Variants in PRKN observed in about 807,000 individuals in gnomAD.
PRKN encodes E3 ubiquitin-protein ligase parkin.
PRKN carries 56 observed loss-of-function variants against 59.5 expected under a neutral mutation model. That is an observed-to-expected ratio of 0.94 (90% CI 0.76 to 1.18). The LOEUF is 1.18. Ranked by LOEUF, PRKN falls within the 50% of genes most tolerant of loss-of-function variation. The pLI is 0.00. For missense variants in PRKN, 657 were observed against 596.4 expected (o/e 1.10, Z -1.06); for synonymous variants, 250 against 222.1 (o/e 1.13, Z -1.12).
intron 4 of PRKN, among the ~76,000 whole-genome samples, chr6:162,178,470 T>A (rs1410324462): frequency 6.6e-6 from 1 of 152,176 alleles, no homozygotes; most frequent in East Asian, 1.9e-4. Flanking sequence ...CCCCTTTCCC[T>A]GGCCTATGGC....
intron 7 of PRKN, among the ~76,000 whole-genome samples, chr6:161,693,740 T>G (rs1479029074): frequency 6.6e-6 from 1 of 152,248 alleles, no homozygotes; most frequent in African/African-American, 2.4e-5. Context: ...TGTAAATTTT[T>G]GGAAATACTA....
chr6:161,534,277 C>T (rs947407574), intron 9 of PRKN, among the ~76,000 whole-genome samples: 5 of 152,176 alleles, frequency 3.3e-5, no homozygotes, highest in Non-Finnish European at 5.9e-5. Context: ...TTTCAGTCAC[C>T]ACTTCCAGGT....
intron 6 of PRKN, among the ~76,000 whole-genome samples, chr6:161,794,362 T>C (rs1393777723): frequency 6.6e-6 from 1 of 152,082 alleles, no homozygotes; most frequent in Non-Finnish European, 1.5e-5. Flanking sequence ...TTAGGTCTCA[T>C]GAGTGTTGGC....
chr6:161,761,581 T>C (rs1393958211), intron 7 of PRKN, among the ~76,000 whole-genome samples: 1 of 152,160 alleles, frequency 6.6e-6, no homozygotes, highest in Non-Finnish European at 1.5e-5. Flanking sequence ...AATACAGAAC[T>C]GTAAGCATCA....
chr6:162,553,831 AAAAAAAAAAAAAAAAAAG>A (rs1779434620), intron 1 of PRKN, among the ~76,000 whole-genome samples: 4 of 19,906 alleles, frequency 2.0e-4, no homozygotes, highest in East Asian at 8.9e-4. Flanking sequence ...AAAAAAAAAA[AAAAAAAAAAAAAAAAAAG>A]GGTAAAAGTG....
At position 161,604,552 on chromosome 6, in the gene PRKN, A is replaced by C. The variant is rs180773901; in HGVS notation, c.872-35136T>G. 2.2e-3 allele frequency among the ~76,000 whole-genome samples: 334 copies of C among 152,346 alleles called. 1 individual carries two copies. The highest frequency in any genetic ancestry group is 7.3e-3 in the African/African-American group (304 of 41,588). ...TTATTCAGCTGGAGGAAGAACTTGC[A>C]GCATGGTTGCTCAACTTCAGGCCAC... On this transcript the variant is annotated intron_variant, in intron 7 of 11. Transcript: ENST00000366898.
intron 6 of PRKN, among the ~76,000 whole-genome samples, chr6:161,967,504 G>T (rs113765273): frequency 6.6e-6 from 1 of 152,140 alleles, no homozygotes; most frequent in East Asian, 1.9e-4. Context: ...TTCTCTTAAG[G>T]TCAAAAAGTT....
chr6:162,065,123 T>A (rs1778275182), intron 4 of PRKN, among the ~76,000 whole-genome samples: 1 of 152,142 alleles, frequency 6.6e-6, no homozygotes, highest in Non-Finnish European at 1.5e-5. Flanking sequence ...GATCACAAGA[T>A]GAAGTCCAAG....
At chr6:162,593,881 G>C (rs534987105) in intron 1 of PRKN, among the ~76,000 whole-genome samples, 1 of 152,140 alleles carries the variant, frequency 6.6e-6, no homozygotes, top group Non-Finnish European at 1.5e-5. Context: ...GGCCAGGCAC[G>C]GTGGCTCACG....
At chr6:161,731,757 C>T (rs1254625674) in intron 7 of PRKN, among the ~76,000 whole-genome samples, 1 of 152,152 alleles carries the variant, frequency 6.6e-6, no homozygotes, top group Non-Finnish European at 1.5e-5. Context: ...GAAATGAAGG[C>T]TAATTAAACA....
At chr6:162,033,013 C>T (rs1164170752) in intron 5 of PRKN, among the ~76,000 whole-genome samples, 2 of 152,206 alleles carry the variant, frequency 1.3e-5, no homozygotes, top group Non-Finnish European at 2.9e-5. Context: ...CCTAACCTGA[C>T]ACTCTTGTTT....
In PRKN at chr6:161,680,776, T is replaced by TATATATATATATTTTG. The variant is rs1491495272; in HGVS notation, c.871+104995_871+104996insCAAAATATATATATAT. On this transcript the variant is annotated intron_variant, in intron 7 of 11. Transcript: ENST00000366898. The stretch of plus-strand genomic sequence containing the variant: ...ATATATATATATATATATATATATA[T>TATATATATATATTTTG]TTTTTTTTTTTTTTCTTTTCCTAAA... Among the ~76,000 whole-genome samples the TATATATATATATTTTG allele has an allele frequency of 3.2e-4, 6 of 18,944 alleles. 1 individual carries two copies. The highest frequency in any genetic ancestry group is 2.9e-3 in the Admixed American group (4 of 1,392). The allele number at this position is 18,944 out of a possible 152,430, so 12.4% of individuals were successfully genotyped here.
At chr6:162,379,553 C>T (rs552906427) in intron 2 of PRKN, among the ~76,000 whole-genome samples, 2 of 152,246 alleles carry the variant, frequency 1.3e-5, no homozygotes, top group African/African-American at 4.8e-5. Flanking sequence ...GGCTAATCCC[C>T]TTAACTCTCC....
At chr6:162,567,099 A>G (rs1583819734) in intron 1 of PRKN, among the ~76,000 whole-genome samples, 1 of 152,270 alleles carries the variant, frequency 6.6e-6, no homozygotes, top group Admixed American at 6.5e-5. Context: ...TGGGGATAAA[A>G]GGAACACATC....
chr6:162,153,932 G>T (rs1440714853), intron 4 of PRKN, among the ~76,000 whole-genome samples: 2 of 152,096 alleles, frequency 1.3e-5, no homozygotes, highest in African/African-American at 2.4e-5. Context: ...TTGGTAAAAA[G>T]ACATTATTCA....
chr6:161,732,030 A>G (rs1369434559), intron 7 of PRKN, among the ~76,000 whole-genome samples: 1 of 152,022 alleles, frequency 6.6e-6, no homozygotes, highest in East Asian at 1.9e-4. Context: ...GGTTTGGTGT[A>G]CAGATAATTT....
chr6:161,883,650 A>AT (rs1795026090), intron 6 of PRKN, among the ~76,000 whole-genome samples: 5 of 151,666 alleles, frequency 3.3e-5, no homozygotes, highest in South Asian at 2.1e-4. Context: ...ATTTATTTTT[A>AT]TTTTTATTTT....
In PRKN at chr6:161,395,546, C is replaced by T. The variant is rs189936141; in HGVS notation, c.1084-8669G>A. ...ATGGACTTTCCATTTTGATTGCTTT[C>T]GCGAGCCTTGTCAGTCACAGGCTTA... On this transcript the variant is annotated intron_variant, in intron 9 of 11. Coordinates refer to ENST00000366898, the MANE Select transcript of PRKN (RefSeq NM_004562.3). The surrounding 1 kb of genome is among the most constrained non-coding windows in gnomAD (Gnocchi z 5.0). 3.7e-4 allele frequency among the ~76,000 whole-genome samples: 57 copies of T among 152,302 alleles called. 1 individual carries two copies. The highest frequency in any genetic ancestry group is 5.7e-4 in the Non-Finnish European group (39 of 68,024).
At position 161,461,670 on chromosome 6, in the gene PRKN, C is replaced by T. The variant is rs374541806; in HGVS notation, c.1084-74793G>A. Among the ~76,000 whole-genome samples, 1 of 151,922 alleles carries T rather than the reference C, an allele frequency of 6.6e-6. No homozygotes were observed. Among genetic ancestry groups the T allele is most frequent in the Non-Finnish European group, 1.5e-5 (1 of 67,986 alleles). On this transcript the variant is annotated intron_variant, in intron 9 of 11. Transcript: ENST00000366898. The surrounding 1 kb of genome is among the most constrained non-coding windows in gnomAD (Gnocchi z 5.1). ...TCTAAGTGCCACTCATTGCAAGGACCGAGGTAAGAAGAGACAGGACAGGGT... is the reference window on the plus strand; with the variant it reads ...TCTAAGTGCCACTCATTGCAAGGACTGAGGTAAGAAGAGACAGGACAGGGT...
Sources: allele counts gnomAD v4.1 joint callset (sites outside exome capture counted in the v4.1 genomes callset), GRCh38; gene constraint gnomAD v4.1.1; non-coding constraint Gnocchi (gnomAD v3.1); transcripts MANE v1.5; gene names NCBI Gene and HGNC (gene_info 2026-07-23, HGNC 2026-07-21).